The following FRMD4A variants were observed in gnomAD, a reference collection of about 807,000 sequenced individuals.
The protein encoded by FRMD4A is FERM domain-containing protein 4A.
FRMD4A carries 29 observed loss-of-function variants against 129.1 expected under a neutral mutation model. The ratio of observed to expected loss-of-function variants is 0.22; its 90% CI spans 0.17 to 0.31. The LOEUF (loss-of-function observed/expected upper bound fraction) is 0.31, where lower values mean the gene tolerates loss of function less well. Ranked by LOEUF, FRMD4A falls within the 10% of genes least tolerant of loss-of-function variation. The pLI, the probability that FRMD4A is intolerant of heterozygous loss-of-function variation, is 1.00. For missense variants in FRMD4A, 1,272 were observed against 1,375.8 expected (o/e 0.92, Z 1.19); for synonymous variants, 634 against 571.6 (o/e 1.11, Z -1.56).
In FRMD4A at chr10:13,796,518, C is replaced by T. The variant is rs750457188; in HGVS notation, c.277G>A (p.Val93Met). 10 of 1,582,400 alleles carry T rather than the reference C, an allele frequency of 6.3e-6. No homozygotes were observed. Among genetic ancestry groups the T allele is most frequent in the South Asian group, 1.1e-5 (1 of 90,402 alleles). ...TACCTGACACAAAAGTATAAAACCA[C>T]GGGTCCTGACTTTTTAGGGAAGTCA... ...EHDFPKKSGP[V>M]VLYFCVRFYI... is the part of the protein sequence containing the mutation. Residue 93 changes from valine (V) to methionine (M), a missense_variant, in exon 5 of 25, where the codon GTG becomes ATG. Physicochemically the swap from Val to Met is conservative, Grantham distance 21. This residue lies in a region of FRMD4A where 300 missense variants were observed against 483.6 expected (regional missense o/e 0.62). Coordinates refer to ENST00000357447, the MANE Select transcript of FRMD4A (RefSeq NM_018027.5).
chr10:14,045,001 C>A (rs1055544347), intron 2 of FRMD4A, among the ~76,000 whole-genome samples: 1 of 152,140 alleles, frequency 6.6e-6, no homozygotes, highest in Non-Finnish European at 1.5e-5. Context: ...CTCCTGGCCT[C>A]AAGTAATCTT....
intron 9 of FRMD4A, among the ~76,000 whole-genome samples, chr10:13,742,237 G>C (rs993744582): frequency 5.3e-5 from 8 of 152,206 alleles, no homozygotes; most frequent in African/African-American, 1.7e-4. Context: ...AGTGACTCTG[G>C]TGCCCATGAG....
intron 14 of FRMD4A, among the ~76,000 whole-genome samples, chr10:13,699,726 G>A (rs1385859370): frequency 2.0e-5 from 3 of 152,134 alleles, no homozygotes; most frequent in Non-Finnish European, 4.4e-5. Flanking sequence ...ACCACAGAGG[G>A]TGAAATTAAC....
intron 3 of FRMD4A, among the ~76,000 whole-genome samples, chr10:13,851,046 C>T (rs544667519): frequency 1.3e-3 from 197 of 152,266 alleles, no homozygotes; most frequent in Admixed American, 0.011. Context: ...GAAATCCCGT[C>T]TTTACAAACA....
intron 2 of FRMD4A, chr10:14,008,580 T>G (rs1307869384): frequency 4.0e-5 from 35 of 877,714 alleles, no homozygotes; most frequent in Non-Finnish European, 4.7e-5. Context: ...AGACGTATTA[T>G]TCATTCCATC....
At chr10:13,842,259 G>T (rs7073646) in intron 3 of FRMD4A, among the ~76,000 whole-genome samples, 43,732 of 151,974 alleles carry the variant, frequency 0.29, 6,582 homozygotes, top group Middle Eastern at 0.43. Context: ...TCTGAGTGTC[G>T]TCTAGTCCAT....
At chr10:13,690,376 C>T (rs1318362407) in intron 15 of FRMD4A, among the ~76,000 whole-genome samples, 1 of 152,216 alleles carries the variant, frequency 6.6e-6, no homozygotes, top group Non-Finnish European at 1.5e-5. Context: ...AAGCTTTATC[C>T]TCCTGGTGCA....
At chr10:13,893,114 G>C (rs1203964203) in intron 2 of FRMD4A, among the ~76,000 whole-genome samples, 1 of 152,152 alleles carries the variant, frequency 6.6e-6, no homozygotes, top group Non-Finnish European at 1.5e-5. Context: ...ACGGCTCACT[G>C]TAACCTCCCC....
intron 2 of FRMD4A, among the ~76,000 whole-genome samples, chr10:14,208,836 T>C (rs999551367): frequency 6.6e-6 from 1 of 152,174 alleles, no homozygotes; most frequent in Non-Finnish European, 1.5e-5. Context: ...AAGATCCATA[T>C]TGATGAAACA....
intron 15 of FRMD4A, among the ~76,000 whole-genome samples, chr10:13,682,460 A>G (rs1033229907): frequency 6.6e-6 from 1 of 151,174 alleles, no homozygotes; most frequent in Non-Finnish European, 1.5e-5. Flanking sequence ...CACTTCATTG[A>G]ATCCTCACAG....
At position 14,162,131 on chromosome 10, in the gene FRMD4A, A is replaced by T. The variant is rs181698935; in HGVS notation, c.45+167927T>A. 2.6e-5 allele frequency among the ~76,000 whole-genome samples: 4 copies of T among 152,136 alleles called. No individual in the cohort carries two copies. The East Asian group carries it at 5.8e-4, about 22-fold the overall frequency. ...TTTATATATACATATTTTTTGTATAAAACCTTCAAAATCTGGTGTTCATTT... is the reference window on the plus strand; with the variant it reads ...TTTATATATACATATTTTTTGTATATAACCTTCAAAATCTGGTGTTCATTT... On this transcript the variant is annotated intron_variant, in intron 2 of 24. Transcript: ENST00000357447.
At position 13,656,733 on chromosome 10, in the gene FRMD4A, G is replaced by A. The variant is rs1476213739; in HGVS notation, c.2856C>T (p.Ser952=). 3 of 1,596,866 alleles carry A rather than the reference G, an allele frequency of 1.9e-6. No homozygotes were observed. Among genetic ancestry groups the A allele is most frequent in the East Asian group, 4.7e-5 (2 of 42,950 alleles). Residue 952 remains serine, a synonymous_variant, in exon 22 of 25, where the codon TCC becomes TCT. Transcript: ENST00000357447. The stretch of plus-strand genomic sequence containing the variant: ...TGCTGTACTGCGAGCCGCTGTCCGA[G>A]GAGGTGGAGCTGGTGTGCGACAGGC... The part of the protein sequence containing the change: ...HSRLSHTSST[S]SDSGSQYSTS...
chr10:13,785,608 TTTC>T (rs2092834589), intron 5 of FRMD4A, among the ~76,000 whole-genome samples: 1 of 152,142 alleles, frequency 6.6e-6, no homozygotes, highest in African/African-American at 2.4e-5. Flanking sequence ...ATTTTTATAA[TTTC>T]TTTTTATTTT....
At chr10:13,693,766 C>T in intron 15 of FRMD4A, 132 bp downstream of exon 15, 2 of 965,624 alleles carry the variant, frequency 2.1e-6, no homozygotes, top group South Asian at 1.4e-5. Flanking sequence ...CAACCTTGGT[C>T]TGGAAAGCAA....
intron 5 of FRMD4A, among the ~76,000 whole-genome samples, chr10:13,789,769 A>ATATGTG (rs2092951548): frequency 7.7e-6 from 1 of 130,086 alleles, no homozygotes; most frequent in Non-Finnish European, 1.6e-5. Context: ...GCTGCTTATA[A>ATATGTG]TGTGTGTGTG....
intron 2 of FRMD4A, among the ~76,000 whole-genome samples, chr10:13,875,022 A>G (rs1240424710): frequency 6.6e-6 from 1 of 152,172 alleles, no homozygotes; most frequent in Non-Finnish European, 1.5e-5. Context: ...GGATCCGTCA[A>G]TACCCCAGGG....
chr10:14,312,845 A>G (rs1245093233), intron 2 of FRMD4A, among the ~76,000 whole-genome samples: 2 of 152,130 alleles, frequency 1.3e-5, no homozygotes, highest in South Asian at 2.1e-4. Flanking sequence ...TAGCTTGGGC[A>G]ACAGAGTGAG....
Position 13,819,699 on chromosome 10 carries a change from C to CTT in FRMD4A, c.112-8793_112-8792dup, listed in dbSNP as rs769973791. Among the ~76,000 whole-genome samples, 266 of 131,846 alleles carry CTT rather than the reference C, an allele frequency of 2.0e-3. 6 individuals are homozygous for CTT. Among genetic ancestry groups the CTT allele is most frequent in the African/African-American group, 7.0e-3 (244 of 34,894 alleles). The allele number at this position is 131,846 out of a possible 152,430, so 86.5% of individuals were successfully genotyped here. On this transcript the variant is annotated intron_variant, in intron 3 of 24. Transcript: ENST00000357447. ...GCTCTAAGTGCCATTATATTGTCTC[C>CTT]TTTTTTTTTTTTTTTTTTCTGAGAT... is the stretch of plus-strand genomic sequence containing the variant.
chr10:14,007,136 G>A (rs2095664976), intron 2 of FRMD4A: 1 of 151,968 alleles, frequency 6.6e-6, no homozygotes, highest in Non-Finnish European at 1.5e-5. Context: ...AAGATGCTGC[G>A]GATAGCTGAT....
Sources: allele counts gnomAD v4.1 joint callset (sites outside exome capture counted in the v4.1 genomes callset), GRCh38; gene constraint gnomAD v4.1.1; regional missense constraint gnomAD v4.1.1; transcripts MANE v1.5; gene names NCBI Gene and HGNC (gene_info 2026-07-23, HGNC 2026-07-21).